The following TJP2 variants were observed in gnomAD, a reference collection of about 807,000 sequenced individuals.
TJP2 encodes the protein tight junction protein 2, also known as Friedreich ataxia region gene X104 (tight junction protein ZO-2).
A neutral mutation model predicts 133.1 loss-of-function variants in TJP2; 91 were observed. That is an observed-to-expected ratio of 0.68 (90% CI 0.58 to 0.81). The LOEUF (loss-of-function observed/expected upper bound fraction) is 0.81, where lower values mean the gene tolerates loss of function less well. Among genes scored for constraint, TJP2 ranks in the 40% least tolerant of loss-of-function variants. TJP2 has a pLI of 0.00. For missense variants in TJP2, 1,541 were observed against 1,565.6 expected (o/e 0.98, Z 0.26); for synonymous variants, 592 against 583.4 (o/e 1.01, Z -0.21).
chr9:69,137,957 G>T (rs1022975695), intron 1 of TJP2, among the ~76,000 whole-genome samples: 6 of 152,128 alleles, frequency 3.9e-5, no homozygotes, highest in African/African-American at 1.4e-4. Flanking sequence ...TTTCTGTTCT[G>T]TTCTTCCACA....
At chr9:69,189,402 C>T (rs73647100) in intron 1 of TJP2, among the ~76,000 whole-genome samples, 2,725 of 152,212 alleles carry the variant, frequency 0.018, 85 homozygotes, top group African/African-American at 0.062. Flanking sequence ...AGTTGAGTTT[C>T]TGTGGGCAGT....
At chr9:69,155,973 T>C (rs1421344416) in intron 2 of TJP2, among the ~76,000 whole-genome samples, 1 of 152,218 alleles carries the variant, frequency 6.6e-6, no homozygotes, top group Non-Finnish European at 1.5e-5. Context: ...CTGGAGATGC[T>C]GCACTAGGTG....
chr9:69,158,175 C>T (rs1010660597), intron 2 of TJP2, among the ~76,000 whole-genome samples: 2 of 151,554 alleles, frequency 1.3e-5, no homozygotes, highest in Non-Finnish European at 2.9e-5. Context: ...AAAAATTAGC[C>T]GGGCATGGTG....
At chr9:69,197,633 A>C (rs553462374) in intron 1 of TJP2, among the ~76,000 whole-genome samples, 1 of 151,672 alleles carries the variant, frequency 6.6e-6, no homozygotes, top group African/African-American at 2.4e-5. Flanking sequence ...CCTTATCAAG[A>C]GTGCTTATCC....
Position 69,221,255 on chromosome 9 carries a change from T to G in TJP2, c.711T>G (p.Arg237=), listed in dbSNP as rs751624638. Residue 237 remains arginine (R), a synonymous_variant, in exon 5 of 23, where the codon CGT becomes CGG. Coordinates refer to ENST00000377245, the MANE Select transcript of TJP2 (RefSeq NM_004817.4). The part of the protein sequence containing the change: ...HDFGPSRDRD[R]DRSRGRSIDQ... ...TTGGGCCATCCCGGGACCGGGACCGTGACCGCAGCCGCGGCCGGAGCATTG... is the reference window on the plus strand; with the variant it reads ...TTGGGCCATCCCGGGACCGGGACCGGGACCGCAGCCGCGGCCGGAGCATTG... The G allele has an allele frequency of 6.2e-6, 10 of 1,607,840 alleles. No individual in the cohort carries two copies. The Admixed American group carries it at 1.0e-4, about 16-fold the overall frequency.
intron 1 of TJP2, among the ~76,000 whole-genome samples, chr9:69,140,616 G>C (rs750544204): frequency 6.6e-6 from 1 of 152,140 alleles, no homozygotes; most frequent in Non-Finnish European, 1.5e-5. Context: ...TTCCAGAGCA[G>C]AGGTGACTGA....
rs1378581337 is a variant in TJP2 at position 69,124,053 on chromosome 9, CT to C, written c.-131+2336del. Among the ~76,000 whole-genome samples, 3 of 72,990 alleles carry C rather than the reference CT, an allele frequency of 4.1e-5. 1 individual carries two copies. The highest frequency in any genetic ancestry group is 9.3e-5 in the Non-Finnish European group (3 of 32,124). The allele number at this position is 72,990 out of a possible 152,430, so 47.9% of individuals were successfully genotyped here. ...CGGCTAATTTTTTTGAATTTTTTTTCTTTTTTTTAGTAGAGACGGGGTTTCA... is the reference window on the plus strand; with the variant it reads ...CGGCTAATTTTTTTGAATTTTTTTTCTTTTTTTAGTAGAGACGGGGTTTCA... On this transcript the variant is annotated intron_variant, in intron 1 of 5. Coordinates refer to the TJP2 transcript ENST00000423935.
chr9:69,249,442 G>A lies in TJP2; in HGVS notation c.2948G>A (p.Arg983Lys), dbSNP rs762069397. 1.7e-5 allele frequency: 27 copies of A among 1,611,212 alleles called. No homozygotes were observed. The South Asian group carries it at 2.1e-4, about 13-fold the overall frequency. ...MRRAASSDQL[R>K]DNSPPPAFKP... ...AGGGCTGCTAGCAGCGATCAACTTA[G>A]GGACAATAGCCCGCCCCCAGCATTC... The change falls in exon 20 of 23, where the codon AGG becomes AAG. Residue 983 changes from arginine (R) to lysine (K), a missense_variant. Arg to Lys is a conservative substitution (Grantham distance 26). Transcript: ENST00000377245.
At chr9:69,137,265 CTTTCTTTT>C (rs770703980) in intron 1 of TJP2, among the ~76,000 whole-genome samples, 1 of 96,882 alleles carries the variant, frequency 1.0e-5, no homozygotes, top group African/African-American at 5.0e-5. Flanking sequence ...TTCTTTCTTT[CTTTCTTTT>C]TCTTTCTTTC....
chr9:69,247,941 G>A (rs1831041117), intron 18 of TJP2, 71 bp from the exon 19 acceptor site: 1 of 1,452,880 alleles, frequency 6.9e-7, no homozygotes, highest in Non-Finnish European at 9.2e-7. Context: ...GTGTCCTTGG[G>A]AATTTTCTTG....
At chr9:69,225,612 AAAAC>A (rs199890572) in intron 6 of TJP2, among the ~76,000 whole-genome samples, 2,127 of 152,324 alleles carry the variant, frequency 0.014, 36 homozygotes, top group African/African-American at 0.042. Flanking sequence ...TTAGAAAACA[AAAAC>A]AAAAAAACTC....
chr9:69,168,741 G>A (rs746994437), intron 2 of TJP2, among the ~76,000 whole-genome samples: 2 of 150,964 alleles, frequency 1.3e-5, no homozygotes, highest in South Asian at 4.2e-4. Flanking sequence ...GTTGCAGTGA[G>A]CTAAGACGGC....
At chr9:69,128,877 G>A (rs1822367675) in intron 1 of TJP2, among the ~76,000 whole-genome samples, 1 of 152,166 alleles carries the variant, frequency 6.6e-6, no homozygotes, top group African/African-American at 2.4e-5. Flanking sequence ...AAGGGAAAAG[G>A]ACATAGGGAA....
intron 8 of TJP2, 29 bp from the exon 9 acceptor site, chr9:69,227,952 G>A (rs1024165512): frequency 1.5e-5 from 24 of 1,614,028 alleles, no homozygotes; most frequent in Non-Finnish European, 1.9e-5. Context: ...GTTATCTCTT[G>A]AGACATTTAC....
intron 5 of TJP2, among the ~76,000 whole-genome samples, chr9:69,222,338 G>A (rs538919522): frequency 1.5e-4 from 23 of 150,162 alleles, no homozygotes; most frequent in South Asian, 8.5e-4. Context: ...CACCACGCCC[G>A]GCTAATTTTT....
chr9:69,130,039 GA>G (rs1296330325), intron 1 of TJP2, among the ~76,000 whole-genome samples: 3 of 146,646 alleles, frequency 2.0e-5, no homozygotes, highest in African/African-American at 7.5e-5. Flanking sequence ...AAAAGAAAAA[GA>G]AAAAAAAGAA....
rs1831608589 is a variant in TJP2, at chr9:69,255,191, A to G, written c.*817A>G. The G allele has an allele frequency of 6.6e-6, 1 of 152,270 alleles. No homozygotes were observed. The allele number at this position is 152,270 out of a possible 1,614,324, so 9.4% of individuals were successfully genotyped here. Reference sequence around the variant, plus strand: ...TTTATAATTTAATAAAAAGGAATACATTGCAATCCGTAATTTTCTTTGTGG... The same window carrying G: ...TTTATAATTTAATAAAAAGGAATACGTTGCAATCCGTAATTTTCTTTGTGG... On this transcript the variant is annotated 3_prime_UTR_variant, in exon 23 of 23. Coordinates refer to ENST00000377245, the MANE Select transcript of TJP2 (RefSeq NM_004817.4).
At chr9:69,136,008 A>G (rs1212271571) in intron 1 of TJP2, among the ~76,000 whole-genome samples, 1 of 152,174 alleles carries the variant, frequency 6.6e-6, no homozygotes, top group Non-Finnish European at 1.5e-5. Flanking sequence ...GTGAGGAGAG[A>G]TATTAGAGAT....
In TJP2 at chr9:69,236,209, G is replaced by A. The variant is rs567343266; in HGVS notation, c.1962G>A (p.Leu654=). The part of the protein sequence containing the change: ...NWLAVRIGNE[L]EKGLIPNKSR... ...TGGCTGTGAGGATTGGGAACGAGTT[G>A]GAGAAAGGCTTAATCCCCAACAAGA... The change falls in exon 13 of 23, where the codon TTG becomes TTA. Residue 654 remains leucine, a synonymous_variant. Coordinates refer to ENST00000377245, the MANE Select transcript of TJP2 (RefSeq NM_004817.4). The A allele has an allele frequency of 6.2e-7, 1 of 1,613,938 alleles. No individual in the cohort carries two copies. The highest frequency in any genetic ancestry group is 1.7e-4 in the Middle Eastern group (1 of 6,048).
Sources: allele counts gnomAD v4.1 joint callset (sites outside exome capture counted in the v4.1 genomes callset), GRCh38; gene constraint gnomAD v4.1.1; transcripts MANE v1.5; gene names NCBI Gene and HGNC (gene_info 2026-07-23, HGNC 2026-07-21).